TGM6: variants seen among roughly 807,000 people sequenced by gnomAD.
TGM6 encodes the protein transglutaminase 6.
In TGM6, 74 loss-of-function variants were observed where a neutral mutation model predicts 77.5. The ratio of observed to expected loss-of-function variants is 0.96; its 90% CI spans 0.79 to 1.16. The LOEUF (loss-of-function observed/expected upper bound fraction) is 1.16, where lower values mean the gene tolerates loss of function less well. Among genes scored for constraint, TGM6 ranks in the 50% most tolerant of loss-of-function variants. The pLI is 0.00. For missense variants in TGM6, 968 were observed against 940.2 expected (o/e 1.03, Z -0.39); for synonymous variants, 383 against 378.9 (o/e 1.01, Z -0.12).
intron 9 of TGM6, among the ~76,000 whole-genome samples, chr20:2,415,893 A>T (rs1599960050): frequency 6.6e-6 from 1 of 152,154 alleles, no homozygotes; most frequent in African/African-American, 2.4e-5. Context: ...AAAGTGGTGT[A>T]TCAGGGGCCC....
At position 2,400,925 on chromosome 20, in the gene TGM6, G is replaced by A. The variant is rs143958686; in HGVS notation, c.989+481G>A. Among the ~76,000 whole-genome samples, 551 of 152,222 alleles carry A rather than the reference G, an allele frequency of 3.6e-3. 3 individuals are homozygous for A. The highest frequency in any genetic ancestry group is 6.0e-3 in the Non-Finnish European group (410 of 68,006). The stretch of plus-strand genomic sequence containing the variant: ...ACGGTGGCTCACACCTGTAATCCCA[G>A]CTACTCAGGAGGCTAAGGCAGGAGA... On this transcript the variant is annotated intron_variant, in intron 7 of 12. Transcript: ENST00000202625.
intron 1 of TGM6, among the ~76,000 whole-genome samples, chr20:2,387,113 A>G (rs943512724): frequency 1.3e-5 from 2 of 152,226 alleles, no homozygotes; most frequent in Non-Finnish European, 2.9e-5. Context: ...ATATGTCAGT[A>G]AATGGAGACC....
intron 1 of TGM6, among the ~76,000 whole-genome samples, chr20:2,387,155 A>C (rs1179251403): frequency 2.0e-5 from 3 of 152,182 alleles, no homozygotes; most frequent in African/African-American, 7.2e-5. Context: ...AGCTCTGCTG[A>C]TATTAGACTT....
chr20:2,418,132 C>T (rs1164428648), intron 10 of TGM6, among the ~76,000 whole-genome samples: 6 of 152,130 alleles, frequency 3.9e-5, no homozygotes, highest in Non-Finnish European at 8.8e-5. Context: ...CTTGCCTCAA[C>T]CTCCTGAGTA....
At chr20:2,422,281 T>G (rs935623671) in intron 10 of TGM6, among the ~76,000 whole-genome samples, 1 of 152,224 alleles carries the variant, frequency 6.6e-6, no homozygotes, top group African/African-American at 2.4e-5. Flanking sequence ...TCTAGATTGT[T>G]TTTCCCCGTG....
At chr20:2,427,243 A>C (rs1424937256) in intron 10 of TGM6, among the ~76,000 whole-genome samples, 1 of 152,140 alleles carries the variant, frequency 6.6e-6, no homozygotes, top group Non-Finnish European at 1.5e-5. Context: ...TTTTCTTTCA[A>C]GAACTGGTCC....
At chr20:2,408,166 C>T (rs1349883677) in intron 9 of TGM6, among the ~76,000 whole-genome samples, 4 of 152,166 alleles carry the variant, frequency 2.6e-5, no homozygotes, top group South Asian at 2.1e-4. Context: ...ACATCCTTGA[C>T]TTGCATGAGC....
At chr20:2,415,987 TG>T (rs1270378722) in intron 9 of TGM6, among the ~76,000 whole-genome samples, 2 of 151,268 alleles carry the variant, frequency 1.3e-5, no homozygotes, top group Admixed American at 1.3e-4. Flanking sequence ...AACAAGAGAG[TG>T]CGTTCCCTCT....
chr20:2,426,478 C>T (rs2084888478), intron 10 of TGM6, among the ~76,000 whole-genome samples: 1 of 152,102 alleles, frequency 6.6e-6, no homozygotes, highest in South Asian at 2.1e-4. Context: ...TGTTTTATTT[C>T]TTCCTTCCCA....
rs112682989 is a variant in TGM6, at chr20:2,414,944, G to T, written c.1337-2288G>T. Among the ~76,000 whole-genome samples the T allele has an allele frequency of 4.5e-3, 443 of 97,374 alleles. 9 individuals are homozygous for T. Among genetic ancestry groups the T allele is most frequent in the Non-Finnish European group, 4.6e-3 (229 of 49,802 alleles). 63.9% of individuals were successfully genotyped at this position (97,374 alleles called of 152,430 possible). On this transcript the variant is annotated intron_variant, in intron 9 of 12. Transcript: ENST00000202625. Reference sequence around the variant, plus strand: ...GATGGTTACAGAATTTGGGGGGGGGGGTGAAAAAACGTTCTAAAATTAGAT... The same window carrying T: ...GATGGTTACAGAATTTGGGGGGGGGTGTGAAAAAACGTTCTAAAATTAGAT...
intron 9 of TGM6, among the ~76,000 whole-genome samples, chr20:2,410,254 G>A (rs1388911972): frequency 6.6e-6 from 1 of 152,146 alleles, no homozygotes; most frequent in Admixed American, 6.5e-5. Context: ...AATCAGTCAT[G>A]CCTATGTAAT....
At chr20:2,414,779 G>A (rs1029490900) in intron 9 of TGM6, among the ~76,000 whole-genome samples, 2 of 152,142 alleles carry the variant, frequency 1.3e-5, no homozygotes, top group African/African-American at 4.8e-5. Context: ...GAAAACTGAT[G>A]TTAAGCGGAA....
At chr20:2,413,774 G>C (rs1418818251) in intron 9 of TGM6, among the ~76,000 whole-genome samples, 9 of 152,172 alleles carry the variant, frequency 5.9e-5, no homozygotes, top group Admixed American at 5.9e-4. Context: ...ACTTACATGT[G>C]AGAGCTAAAA....
chr20:2,408,619 AG>A (rs953900298), intron 9 of TGM6, among the ~76,000 whole-genome samples: 18 of 152,200 alleles, frequency 1.2e-4, no homozygotes, highest in African/African-American at 4.3e-4. Context: ...CAGCATATGA[AG>A]GGCTTTTAAT....
At chr20:2,421,993 G>T (rs770626543) in intron 10 of TGM6, among the ~76,000 whole-genome samples, 2 of 152,098 alleles carry the variant, frequency 1.3e-5, no homozygotes, top group Admixed American at 1.3e-4. Flanking sequence ...GTAGCTGGGC[G>T]TGGTGGTGGG....
intron 5 of TGM6, among the ~76,000 whole-genome samples, chr20:2,399,347 A>C (rs2084689393): frequency 6.6e-6 from 1 of 152,206 alleles, no homozygotes; most frequent in Non-Finnish European, 1.5e-5. Context: ...GATTTTTACA[A>C]CACAGTATCC....
chr20:2,416,939 GA>G (rs2084820290), intron 9 of TGM6, among the ~76,000 whole-genome samples: 2 of 151,842 alleles, frequency 1.3e-5, no homozygotes, highest in African/African-American at 4.8e-5. Flanking sequence ...ACCTCCTAGA[GA>G]AAAAAAATAT....
rs1447888757 is a variant in TGM6, at chr20:2,430,438, C to T, written c.1679-8C>T. ...AGCCCCAACTCCCACTTCTGCTTTC[C>T]CTTCCAGAGAAGAGAATCCCAATTA... is the stretch of plus-strand genomic sequence containing the variant. On this transcript the variant is annotated splice_region_variant and splice_polypyrimidine_tract_variant and intron_variant, in intron 10 of 12. Coordinates refer to ENST00000202625, the MANE Select transcript of TGM6 (RefSeq NM_198994.3). The T allele has an allele frequency of 6.2e-7, 1 of 1,614,164 alleles. No homozygotes were observed. The highest frequency in any genetic ancestry group is 8.5e-7 in the Non-Finnish European group (1 of 1,180,032).
At chr20:2,418,562 G>A (rs1484717967) in intron 10 of TGM6, among the ~76,000 whole-genome samples, 1 of 152,158 alleles carries the variant, frequency 6.6e-6, no homozygotes, top group Admixed American at 6.5e-5. Context: ...AGGGTTCAAA[G>A]CCAGGAACGT....
Sources: allele counts gnomAD v4.1 joint callset (sites outside exome capture counted in the v4.1 genomes callset), GRCh38; gene constraint gnomAD v4.1.1; transcripts MANE v1.5; gene names NCBI Gene and HGNC (gene_info 2026-07-23, HGNC 2026-07-21).